Variants in ADAR observed in about 807,000 individuals in gnomAD.
ADAR encodes double-stranded RNA-specific adenosine deaminase.
A neutral mutation model predicts 113.2 loss-of-function variants in ADAR; 41 were observed. The observed-to-expected ratio is 0.36, with a 90% confidence interval of 0.28 to 0.47. The LOEUF (loss-of-function observed/expected upper bound fraction) is 0.47, where lower values mean the gene tolerates loss of function less well. ADAR is among the 20% of genes least tolerant of loss of function. The pLI is 1.00. For synonymous variants in ADAR, 605 were observed against 572.6 expected, an observed-to-expected ratio of 1.06 and a Z score of -0.81; for missense variants, 1,242 against 1,540.9, an observed-to-expected ratio of 0.81 and a Z score of 3.25.
intron 1 of ADAR, among the ~76,000 whole-genome samples, chr1:154,607,180 T>C (rs1051294552): frequency 6.6e-6 from 1 of 152,100 alleles, no homozygotes; most frequent in African/African-American, 2.4e-5. Context: ...GTTTTTTTTT[T>C]CCAGAATGTC....
chr1:154,586,668 G>A (rs1696786901), intron 11 of ADAR, among the ~76,000 whole-genome samples: 2 of 152,204 alleles, frequency 1.3e-5, no homozygotes, highest in Non-Finnish European at 1.5e-5. Context: ...TGCTCTGAAG[G>A]CTCTGAGGCA....
At chr1:154,593,716 T>C (rs16836117) in intron 6 of ADAR, among the ~76,000 whole-genome samples, 5 of 152,248 alleles carry the variant, frequency 3.3e-5, no homozygotes, top group East Asian at 1.9e-4. Context: ...CTAAATTGGG[T>C]CATGTTGGGC....
At position 154,608,182 on chromosome 1, in the gene ADAR, G is replaced by A; in HGVS notation, c.-176C>T. ...TGCGCGCCGGGCCCAAGATGGCTCC[G>A]GTTCAATTTCGCTTTCGTTTCCTCG... On this transcript the variant is annotated 5_prime_UTR_variant, in exon 1 of 15. Transcript: ENST00000368474. The A allele has an allele frequency of 1.4e-6, 1 of 740,130 alleles. No individual in the cohort carries two copies. The highest frequency in any genetic ancestry group is 3.3e-5 in the East Asian group (1 of 30,260). The allele number at this position is 740,130 out of a possible 1,614,324, so 45.8% of individuals were successfully genotyped here. A position where few individuals can be genotyped will look rare whatever the true frequency, so the allele number is the denominator to read the frequency against.
At chr1:154,625,751 T>C (rs1190026352) in intron 1 of ADAR, among the ~76,000 whole-genome samples, 1 of 152,038 alleles carries the variant, frequency 6.6e-6, no homozygotes, top group African/African-American at 2.4e-5. Context: ...ATACCTGTAA[T>C]CCCAGCAGTT....
At chr1:154,596,754 A>C (rs998928087) in intron 6 of ADAR, 51 bp downstream of exon 6, 1 of 1,605,070 alleles carries the variant, frequency 6.2e-7, no homozygotes, top group Non-Finnish European at 8.5e-7. Flanking sequence ...CCTGGGTTAC[A>C]GACCATCCCC....
At chr1:154,605,862 T>A in intron 1 of ADAR, 1 of 501,758 alleles carries the variant, frequency 2.0e-6, no homozygotes, top group Non-Finnish European at 2.6e-6. Context: ...GAAAAAAAAA[T>A]TGTGTTTCAA....
chr1:154,587,979 C>T (rs113276087), intron 11 of ADAR, 146 bp downstream of exon 11: 2 of 1,286,642 alleles, frequency 1.6e-6, no homozygotes, highest in Admixed American at 3.5e-5. Context: ...CCACACAGCT[C>T]CCTGACCCAG....
intron 1 of ADAR, among the ~76,000 whole-genome samples, chr1:154,607,237 C>T (rs1382395582): frequency 6.6e-6 from 1 of 152,066 alleles, no homozygotes; most frequent in Admixed American, 6.5e-5. Flanking sequence ...TCTGGCTTCT[C>T]GTGCTTAGCA....
intron 1 of ADAR, among the ~76,000 whole-genome samples, chr1:154,620,343 T>A (rs1698753709): frequency 6.6e-6 from 1 of 151,826 alleles, no homozygotes; most frequent in African/African-American, 2.4e-5. Flanking sequence ...GAGGTGGAGG[T>A]TGCAGGGAGC....
intron 1 of ADAR, among the ~76,000 whole-genome samples, chr1:154,614,210 G>T (rs2101686803): frequency 6.6e-6 from 1 of 152,336 alleles, no homozygotes; most frequent in East Asian, 1.9e-4. Flanking sequence ...CCCACGGGGT[G>T]ACCCTATACA....
intron 6 of ADAR, among the ~76,000 whole-genome samples, chr1:154,595,885 G>A (rs575350625): frequency 1.2e-3 from 189 of 152,240 alleles, no homozygotes; most frequent in African/African-American, 4.2e-3. Context: ...CTATACAGGT[G>A]TAGTATTTTT....
chr1:154,593,199 T>C (rs1310296398), intron 6 of ADAR, among the ~76,000 whole-genome samples: 1 of 144,652 alleles, frequency 6.9e-6, no homozygotes, highest in Non-Finnish European at 1.5e-5. Context: ...CCAGCCACAG[T>C]AGACAGAAAG....
In ADAR at chr1:154,585,879, A is replaced by T; in HGVS notation, c.3203-14T>A. ...TGAAAAGGTAACCTGAGTACAAAAAAGAGAAACATATATACCTGTGTTTGC... is the reference window on the plus strand; with the variant it reads ...TGAAAAGGTAACCTGAGTACAAAAATGAGAAACATATATACCTGTGTTTGC... On this transcript the variant is annotated splice_polypyrimidine_tract_variant and intron_variant, in intron 12 of 14. Transcript: ENST00000368474. 6.2e-7 allele frequency: 1 copy of T among 1,605,170 alleles called. No homozygotes were observed. Among genetic ancestry groups the T allele is most frequent in the East Asian group, 2.2e-5 (1 of 44,844 alleles).
chr1:154,620,711 G>A (rs1414029259), intron 1 of ADAR, among the ~76,000 whole-genome samples: 2 of 152,208 alleles, frequency 1.3e-5, no homozygotes, highest in African/African-American at 4.8e-5. Flanking sequence ...GACATCAATA[G>A]TGTTGGCCTT....
At chr1:154,594,451 G>A (rs989921350) in intron 6 of ADAR, among the ~76,000 whole-genome samples, 2 of 152,150 alleles carry the variant, frequency 1.3e-5, no homozygotes, top group African/African-American at 4.8e-5. Context: ...CTTTGTGATA[G>A]ACCTTAGAGA....
Position 154,592,907 on chromosome 1 carries a change from G to A in ADAR, c.2271-2498C>T, listed in dbSNP as rs192423521. ...TCCCAGCACTTTGGGAGGCTGAGGC[G>A]GGTGGATCATCTGAGGTCAGGAGTT... is the stretch of plus-strand genomic sequence containing the variant. On this transcript the variant is annotated intron_variant, in intron 6 of 14. Coordinates refer to ENST00000368474, the MANE Select transcript of ADAR (RefSeq NM_001111.5). 8.4e-3 allele frequency among the ~76,000 whole-genome samples: 1,282 copies of A among 151,946 alleles called. 23 individuals carry two copies. The highest frequency in any genetic ancestry group is 9.3e-3 in the Non-Finnish European group (630 of 67,948).
intron 1 of ADAR, among the ~76,000 whole-genome samples, chr1:154,621,412 A>G (rs1698789165): frequency 6.6e-6 from 1 of 152,168 alleles, no homozygotes; most frequent in Non-Finnish European, 1.5e-5. Flanking sequence ...TTAATGATAA[A>G]GCCAAAATTA....
intron 1 of ADAR, among the ~76,000 whole-genome samples, chr1:154,613,214 C>G (rs981935604): frequency 2.0e-5 from 3 of 150,446 alleles, no homozygotes; most frequent in Non-Finnish European, 4.4e-5. Flanking sequence ...GCCCAACTGG[C>G]TGAGTAGTGC....
chr1:154,607,851 AGCAATGCTG>A, intron 1 of ADAR, 132 bp downstream of exon 1: 1 of 1,366,888 alleles, frequency 7.3e-7, no homozygotes. Context: ...TTCCTAAACC[AGCAATGCTG>A]CTTGGCAAGA....
Sources: gnomAD v4.1 joint callset for allele counts (sites outside exome capture counted in the v4.1 genomes callset) on GRCh38, gnomAD v4.1.1 for gene constraint, MANE v1.5 for transcripts, NCBI Gene and HGNC (gene_info 2026-07-23, HGNC 2026-07-21) for gene names.